PRKG1: variants seen among roughly 807,000 people sequenced by gnomAD.
PRKG1 encodes protein kinase cGMP-dependent 1.
In PRKG1, 35 loss-of-function variants were observed where a neutral mutation model predicts 88.1. The observed-to-expected ratio is 0.40, with a 90% CI of 0.30 to 0.53. PRKG1 has a LOEUF of 0.53. PRKG1 is among the 20% of genes least tolerant of loss of function. PRKG1 has a pLI of 0.59. For missense variants in PRKG1, 540 were observed against 839.8 expected (o/e 0.64, Z 4.41); for synonymous variants, 303 against 292.5 (o/e 1.04, Z -0.37).
At chr10:51,507,298 T>TA (rs148879187) in intron 3 of PRKG1, among the ~76,000 whole-genome samples, 36,669 of 150,318 alleles carry the variant, frequency 0.24, 4,807 homozygotes, top group Admixed American at 0.33. Flanking sequence ...ACTTAAAGTA[T>TA]AAAAAAAAAT....
At chr10:52,229,940 T>C (rs1371135453) in intron 9 of PRKG1, among the ~76,000 whole-genome samples, 3 of 152,216 alleles carry the variant, frequency 2.0e-5, no homozygotes, top group African/African-American at 7.2e-5. Flanking sequence ...TCCTTCATTA[T>C]ATATTCCATC....
At chr10:52,002,868 A>G (rs1844635048) in intron 5 of PRKG1, among the ~76,000 whole-genome samples, 1 of 152,186 alleles carries the variant, frequency 6.6e-6, no homozygotes, top group Non-Finnish European at 1.5e-5. Context: ...TGTACCAATT[A>G]AAATATTTTT....
chr10:51,774,332 A>T (rs1367342388), intron 3 of PRKG1, among the ~76,000 whole-genome samples: 1 of 152,132 alleles, frequency 6.6e-6, no homozygotes, highest in East Asian at 1.9e-4. Flanking sequence ...AGAAATAAAC[A>T]TATAAAAATT....
rs751669539 is a variant in PRKG1 at position 52,062,773 on chromosome 10, T to A, written c.935+142T>A. 3 of 741,962 alleles carry A rather than the reference T, an allele frequency of 4.0e-6. No individual in the cohort carries two copies. In the South Asian group the frequency reaches 4.4e-5, roughly 11 times the overall value. The allele number at this position is 741,962 out of a possible 1,614,324, so 46.0% of individuals were successfully genotyped here. On this transcript the variant is annotated intron_variant, in intron 7 of 17. Coordinates refer to ENST00000373980, the MANE Select transcript of PRKG1 (RefSeq NM_006258.4). ...ATGGACCCTTGATGATAAATACATT[T>A]TTATTTATTTTCAGCTGGACTTGGA...
At chr10:51,743,808 C>G (rs1261616805) in intron 3 of PRKG1, among the ~76,000 whole-genome samples, 1 of 132,272 alleles carries the variant, frequency 7.6e-6, no homozygotes, top group African/African-American at 2.9e-5. Flanking sequence ...CTTGAATTAC[C>G]CAAGATTATT....
chr10:52,134,180 G>A (rs1837342364), intron 8 of PRKG1, among the ~76,000 whole-genome samples: 1 of 152,054 alleles, frequency 6.6e-6, no homozygotes, highest in African/African-American at 2.4e-5. Context: ...GATATTTTGA[G>A]GATTAATGAG....
chr10:52,184,103 G>T (rs1400308765), intron 9 of PRKG1, among the ~76,000 whole-genome samples: 1 of 152,062 alleles, frequency 6.6e-6, no homozygotes, highest in Non-Finnish European at 1.5e-5. Context: ...TTAGCTGTTT[G>T]TTCATTGCTT....
chr10:51,724,869 C>CTTT (rs556620255), intron 3 of PRKG1, among the ~76,000 whole-genome samples: 72 of 110,746 alleles, frequency 6.5e-4, no homozygotes, highest in African/African-American at 8.2e-4. Flanking sequence ...AATTTTTGTA[C>CTTT]TTTTTTTTTT....
In PRKG1 at chr10:51,847,334, A is replaced by T. The variant is rs569896878; in HGVS notation, c.698+42644A>T. On this transcript the variant is annotated intron_variant, in intron 4 of 17. Coordinates refer to ENST00000373980, the MANE Select transcript of PRKG1 (RefSeq NM_006258.4). The stretch of plus-strand genomic sequence containing the variant: ...TGAAACTGAAAGCAAATATGCGTAT[A>T]ATCTCTCAAAAAATAATAAGTTTTC... 1.8e-4 allele frequency among the ~76,000 whole-genome samples: 28 copies of T among 152,280 alleles called. No individual in the cohort carries two copies. The South Asian group carries it at 4.6e-3, about 25-fold the overall frequency.
In PRKG1 at chr10:51,205,129, T is replaced by A. The variant is rs376328476; in HGVS notation, c.478+51799T>A. Among the ~76,000 whole-genome samples the A allele has an allele frequency of 1.2e-3, 67 of 58,090 alleles. 1 individual carries two copies. Among genetic ancestry groups the A allele is most frequent in the African/African-American group, 9.2e-3 (63 of 6,832 alleles). 38.1% of individuals were successfully genotyped at this position (58,090 alleles called of 152,430 possible). On this transcript the variant is annotated intron_variant, in intron 2 of 17. Transcript: ENST00000373980. Reference sequence around the variant, plus strand: ...AGGAAGAATTTTCATTTTCTTTTCTTTTTTTTTTTTTTTTTTTTTTTTTTT... The same window carrying A: ...AGGAAGAATTTTCATTTTCTTTTCTATTTTTTTTTTTTTTTTTTTTTTTTT...
intron 3 of PRKG1, among the ~76,000 whole-genome samples, chr10:51,768,129 A>G (rs981401581): frequency 9.9e-5 from 15 of 152,214 alleles, no homozygotes; most frequent in African/African-American, 3.6e-4. Context: ...ATATAAATGT[A>G]GTTGTTTTCA....
At chr10:51,207,264 T>G (rs932116946) in intron 2 of PRKG1, among the ~76,000 whole-genome samples, 4 of 152,318 alleles carry the variant, frequency 2.6e-5, no homozygotes, top group African/African-American at 9.6e-5. Context: ...TTATCTTGAT[T>G]AACTTTCAGC....
intron 8 of PRKG1, among the ~76,000 whole-genome samples, chr10:52,137,796 A>G (rs933304078): frequency 6.6e-6 from 1 of 152,136 alleles, no homozygotes; most frequent in Non-Finnish European, 1.5e-5. Flanking sequence ...AGTTGAATCC[A>G]CAGATACAGA....
At chr10:51,009,236 G>C (rs925967938) in intron 1 of PRKG1, among the ~76,000 whole-genome samples, 3 of 152,126 alleles carry the variant, frequency 2.0e-5, no homozygotes, top group African/African-American at 4.8e-5. Context: ...ACCACAAATA[G>C]ATATATTAGG....
chr10:51,734,604 G>A (rs909933360), intron 3 of PRKG1, among the ~76,000 whole-genome samples: 1 of 152,096 alleles, frequency 6.6e-6, no homozygotes, highest in African/African-American at 2.4e-5. Context: ...TTCCTTCTTA[G>A]TTGAGGGATC....
At chr10:51,570,067 A>ATATATATATATGTGTG (rs1491310201) in intron 3 of PRKG1, among the ~76,000 whole-genome samples, 1 of 113,078 alleles carries the variant, frequency 8.8e-6, no homozygotes, top group African/African-American at 3.6e-5. Flanking sequence ...ATATATATAT[A>ATATATATATATGTGTG]TGTGTGTGTG....
At chr10:51,161,627 A>C (rs184828738) in intron 2 of PRKG1, among the ~76,000 whole-genome samples, 46 of 152,306 alleles carry the variant, frequency 3.0e-4, no homozygotes, top group African/African-American at 1.0e-3. Context: ...TTTTTCAAAA[A>C]ATCAATGTGA....
chr10:51,687,551 T>G (rs1366097217), intron 3 of PRKG1, among the ~76,000 whole-genome samples: 1 of 152,148 alleles, frequency 6.6e-6, no homozygotes, highest in East Asian at 1.9e-4. Context: ...GAAAGACATT[T>G]ACAAAAGAAA....
chr10:51,750,871 G>T (rs1303195161), intron 3 of PRKG1, among the ~76,000 whole-genome samples: 2 of 149,482 alleles, frequency 1.3e-5, no homozygotes, highest in Non-Finnish European at 3.0e-5. Context: ...ATTTTCAATT[G>T]CTGCTTTTAT....
Sources: gnomAD v4.1 joint callset for allele counts (sites outside exome capture counted in the v4.1 genomes callset) on GRCh38, gnomAD v4.1.1 for gene constraint, MANE v1.5 for transcripts, NCBI Gene and HGNC (gene_info 2026-07-23, HGNC 2026-07-21) for gene names.